The following C4orf51 variants were observed in gnomAD, a reference collection of about 807,000 sequenced individuals.
The protein encoded by C4orf51 is chromosome 4 open reading frame 51.
C4orf51 carries 25 observed loss-of-function variants against 25.2 expected under a neutral mutation model. The ratio of observed to expected loss-of-function variants is 0.99; its 90% confidence interval spans 0.72 to 1.39. C4orf51 has a LOEUF of 1.39. Ranked by LOEUF, C4orf51 falls within the 40% of genes most tolerant of loss-of-function variation. C4orf51 has a pLI of 0.00. For synonymous variants in C4orf51, 100 were observed against 84.5 expected, an observed-to-expected ratio of 1.18 and a Z score of -1.01; for missense variants, 252 against 239.6, an observed-to-expected ratio of 1.05 and a Z score of -0.34.
chr4:145,755,776 CTCT>C (rs1733904897), downstream of C4orf51, among the ~76,000 whole-genome samples: 1 of 152,186 alleles, frequency 6.6e-6, no homozygotes, highest in African/African-American at 2.4e-5. Context: ...TTGTGTGGGA[CTCT>C]TCTATTCTGA....
chr4:145,773,451 A>C (rs1736590144), downstream of C4orf51, among the ~76,000 whole-genome samples: 1 of 152,142 alleles, frequency 6.6e-6, no homozygotes, highest in Admixed American at 6.5e-5. Flanking sequence ...TGTCAGGGAA[A>C]TTCCCCTTCC....
intron 1 of C4orf51, among the ~76,000 whole-genome samples, chr4:145,692,679 C>T (rs926829043): frequency 8.5e-5 from 13 of 152,174 alleles, no homozygotes; most frequent in Non-Finnish European, 1.3e-4. Flanking sequence ...GATATCAATT[C>T]CACTCTACCC....
downstream of C4orf51, among the ~76,000 whole-genome samples, chr4:145,772,553 C>A (rs1209875194): frequency 6.6e-6 from 1 of 152,150 alleles, no homozygotes; most frequent in Admixed American, 6.5e-5. Flanking sequence ...CATGGCCATG[C>A]CCACTCATTT....
chr4:145,760,362 C>T (rs1255605234), intron 1 of C4orf51: 4 of 152,358 alleles, frequency 2.6e-5, no homozygotes, highest in East Asian at 3.8e-4. Flanking sequence ...GCCCACACAC[C>T]GCATTCACCC....
At chr4:145,707,285 G>A (rs190486057) in intron 2 of C4orf51, among the ~76,000 whole-genome samples, 72 of 152,248 alleles carry the variant, frequency 4.7e-4, no homozygotes, top group African/African-American at 7.7e-4. Context: ...ATAACCTTCC[G>A]TGCCTTTAGA....
intron 1 of C4orf51, among the ~76,000 whole-genome samples, chr4:145,768,021 T>C (rs1184943934): frequency 6.6e-6 from 1 of 152,232 alleles, no homozygotes; most frequent in Non-Finnish European, 1.5e-5. Flanking sequence ...AACTGTTTTG[T>C]AGGGTTTATA....
In C4orf51 at chr4:145,761,064, G is replaced by A; in HGVS notation, n.167-9924G>A. 2 of 1,289,382 alleles carry A rather than the reference G, an allele frequency of 1.6e-6. No individual in the cohort carries two copies. Among genetic ancestry groups the A allele is most frequent in the South Asian group, 1.2e-5 (1 of 81,006 alleles). 79.9% of individuals were successfully genotyped at this position (1,289,382 alleles called of 1,614,324 possible). On this transcript the variant is annotated intron_variant and non_coding_transcript_variant, in intron 1 of 1. Transcript: ENST00000510096. This position sits in a 1 kb window ranked among gnomAD's most constrained non-coding sequence, Gnocchi z 6.8. ...GGGCCACGGTCTGCAGAGCCTGGGA[G>A]GCAGACATAACTGACAGGGGAGACA...
chr4:145,757,464 G>A (rs1229913166), downstream of C4orf51, among the ~76,000 whole-genome samples: 1 of 152,090 alleles, frequency 6.6e-6, no homozygotes, highest in Non-Finnish European at 1.5e-5. Flanking sequence ...TATAACCATC[G>A]CTGTTCAACA....
rs1267993759 is a variant in C4orf51, at chr4:145,680,214, ACTT to A, written c.14_16del (p.Phe5del). 3 of 1,611,974 alleles carry A rather than the reference ACTT, an allele frequency of 1.9e-6. No individual in the cohort carries two copies. The highest frequency in any genetic ancestry group is 2.5e-6 in the Non-Finnish European group (3 of 1,178,204). ...AGGCCGTTCGTAGTTATGTCACACTACTTCTACTTGACTCCACAAATTCTTCTG... is the reference window on the plus strand; with the variant it reads ...AGGCCGTTCGTAGTTATGTCACACTACTACTTGACTCCACAAATTCTTCTG... On this transcript the variant is annotated inframe_deletion, in exon 1 of 6. Coordinates refer to ENST00000438731, the MANE Select transcript of C4orf51 (RefSeq NM_001080531.3).
At chr4:145,749,952 C>T (rs889550031) in intron 1 of C4orf51, among the ~76,000 whole-genome samples, 3 of 152,134 alleles carry the variant, frequency 2.0e-5, no homozygotes, top group Admixed American at 1.3e-4. Flanking sequence ...TTATTTTAAA[C>T]TGGTAACAAC....
At chr4:145,690,141 A>T (rs1729445523) in intron 1 of C4orf51, among the ~76,000 whole-genome samples, 2 of 150,876 alleles carry the variant, frequency 1.3e-5, no homozygotes, top group South Asian at 4.2e-4. Flanking sequence ...CGGGAGGCGG[A>T]GGTTGCAGTG....
chr4:145,689,902 A>G (rs761700431), intron 1 of C4orf51, among the ~76,000 whole-genome samples: 18 of 152,344 alleles, frequency 1.2e-4, no homozygotes, highest in Non-Finnish European at 2.4e-4. Context: ...TAAGACTTCA[A>G]ACTATAAAAA....
At chr4:145,779,379 T>C in the C4orf51 span, 1 of 1,613,992 alleles carries the variant, frequency 6.2e-7, no homozygotes, top group Non-Finnish European at 8.5e-7. Context: ...CTCACCTGTG[T>C]GCAGCGAGAG....
chr4:145,762,190 T>G lies in C4orf51; in HGVS notation n.167-8798T>G, dbSNP rs1579065959. ...GCCTGTGTGTGTCTCTCTGTGTGAG[T>G]GTGTGCATGTGTACATATCTATGTA... On this transcript the variant is annotated intron_variant and non_coding_transcript_variant, in intron 1 of 1. Transcript: ENST00000510096. The surrounding 1 kb of genome is among the most constrained non-coding windows in gnomAD (Gnocchi z 4.9). 6.6e-6 allele frequency among the ~76,000 whole-genome samples: 1 copy of G among 152,054 alleles called. No individual in the cohort carries two copies. The highest frequency in any genetic ancestry group is 2.4e-5 in the African/African-American group (1 of 41,414).
At chr4:145,759,909 T>C (rs1355563604) in intron 1 of C4orf51, 1 of 152,204 alleles carries the variant, frequency 6.6e-6, no homozygotes, top group Non-Finnish European at 1.5e-5. Context: ...TATATATATA[T>C]AATCTGCCCT....
At chr4:145,780,192 AAAAC>A in the C4orf51 span, among the ~76,000 whole-genome samples, 144,051 of 151,224 alleles carry the variant, frequency 0.95, 68,666 homozygotes, top group African/African-American at 0.97. Context: ...CGCTGTCTCA[AAAAC>A]AAACAAACAA....
chr4:145,699,304 C>T (rs1435758311), intron 2 of C4orf51, among the ~76,000 whole-genome samples: 1 of 102,558 alleles, frequency 9.8e-6, no homozygotes, highest in Admixed American at 1.2e-4. Flanking sequence ...TCAGGGACCT[C>T]CCTTGGGAGA....
chr4:145,692,274 T>G (rs1384165597), intron 1 of C4orf51, among the ~76,000 whole-genome samples: 2 of 152,212 alleles, frequency 1.3e-5, no homozygotes, highest in African/African-American at 4.8e-5. Context: ...TTCCACTCAG[T>G]AATCTCACAA....
chr4:145,718,239 G>A (rs1409460076), intron 2 of C4orf51, among the ~76,000 whole-genome samples: 3 of 152,200 alleles, frequency 2.0e-5, no homozygotes, highest in African/African-American at 7.2e-5. Flanking sequence ...CCACAGTAAA[G>A]TCCAGATATG....
Sources: gnomAD v4.1 joint callset for allele counts (sites outside exome capture counted in the v4.1 genomes callset) on GRCh38, gnomAD v4.1.1 for gene constraint, Gnocchi (gnomAD v3.1) non-coding constraint, MANE v1.5 for transcripts, NCBI Gene and HGNC (gene_info 2026-07-23, HGNC 2026-07-21) for gene names.